MITF: variants seen among roughly 807,000 people sequenced by gnomAD.
The protein encoded by MITF is microphthalmia-associated transcription factor.
MITF carries 17 observed loss-of-function variants against 60.5 expected under a neutral mutation model. The ratio of observed to expected loss-of-function variants is 0.28; its 90% CI spans 0.19 to 0.42. The LOEUF (loss-of-function observed/expected upper bound fraction) is 0.42. Ranked by LOEUF, MITF falls within the 10% of genes least tolerant of loss-of-function variation. The probability of loss-of-function intolerance (pLI) is 1.00; values close to 1 mark genes in which losing one functional copy is unlikely to be tolerated. For missense variants in MITF, 622 were observed against 683.5 expected (o/e 0.91, Z 1.00); for synonymous variants, 260 against 248.5 (o/e 1.05, Z -0.43).
chr3:69,796,494 CTTTTTTTTTTTT>C lies in MITF; in HGVS notation c.104+56805_104+56816del, dbSNP rs767834091. On this transcript the variant is annotated intron_variant, in intron 1 of 9. Coordinates refer to ENST00000352241, the MANE Select transcript of MITF (RefSeq NM_001354604.2). ...TGTGAAGCTTACAAACACCGTCTTT[CTTTTTTTTTTTT>C]TTTTTTTTTTTGAGACGGAGTCTCG... Among the ~76,000 whole-genome samples the C allele has an allele frequency of 4.9e-4, 39 of 80,310 alleles. 1 individual carries two copies. The East Asian group carries it at 8.4e-3, about 17-fold the overall frequency. 52.7% of individuals were successfully genotyped at this position (80,310 alleles called of 152,430 possible).
intron 1 of MITF, among the ~76,000 whole-genome samples, chr3:69,744,848 TA>T (rs1703662580): frequency 6.6e-6 from 1 of 152,318 alleles, no homozygotes; most frequent in East Asian, 1.9e-4. Context: ...TTATGCTAGT[TA>T]AAAAAACTAA....
chr3:69,918,326 G>A (rs553666937), intron 2 of MITF, among the ~76,000 whole-genome samples: 1 of 152,278 alleles, frequency 6.6e-6, no homozygotes, highest in African/African-American at 2.4e-5. Flanking sequence ...AGGATTACAG[G>A]TGTGAGTCAC....
rs1451003898 is a variant in MITF at position 69,852,020 on chromosome 3, G to T, written c.105-27114G>T. Among the ~76,000 whole-genome samples the T allele has an allele frequency of 2.0e-5, 3 of 151,898 alleles. No individual in the cohort carries two copies. In the East Asian group the frequency reaches 5.8e-4, roughly 29 times the overall value. On this transcript the variant is annotated intron_variant, in intron 1 of 9. Coordinates refer to ENST00000352241, the MANE Select transcript of MITF (RefSeq NM_001354604.2). ...CTCAGTAATGTAACCATCTCTTTCG[G>T]CAAACATATACAAACAATTTTAGGG... is the stretch of plus-strand genomic sequence containing the variant.
At chr3:69,781,632 C>T (rs921961182) in intron 1 of MITF, among the ~76,000 whole-genome samples, 35 of 152,138 alleles carry the variant, frequency 2.3e-4, no homozygotes, top group Non-Finnish European at 1.6e-4. Flanking sequence ...TAACTCTGAT[C>T]AAATTCTCAT....
At chr3:69,938,193 G>A (rs766262126) in intron 3 of MITF, 144 bp downstream of exon 3, 139 of 1,157,726 alleles carry the variant, frequency 1.2e-4, no homozygotes, top group Non-Finnish European at 1.6e-4. Context: ...CATCGTGGCT[G>A]TGGCATTCCA....
chr3:69,794,007 G>A (rs2062787618), intron 1 of MITF, among the ~76,000 whole-genome samples: 1 of 152,092 alleles, frequency 6.6e-6, no homozygotes, highest in Non-Finnish European at 1.5e-5. Context: ...AGCAGTTCAC[G>A]AGGCACCCAT....
At chr3:69,794,564 C>T (rs1002910810) in intron 1 of MITF, among the ~76,000 whole-genome samples, 9 of 152,044 alleles carry the variant, frequency 5.9e-5, no homozygotes, top group East Asian at 1.9e-4. Flanking sequence ...GCATTTTAAT[C>T]GTGGTAGCTT....
intron 1 of MITF, among the ~76,000 whole-genome samples, chr3:69,832,067 A>G (rs9824528): frequency 0.5 from 76,089 of 152,090 alleles, 20,755 homozygotes; most frequent in Non-Finnish European, 0.63. Context: ...TACTACTGCT[A>G]CATAACAAAT....
At chr3:69,805,453 G>A (rs2062989353) in intron 1 of MITF, among the ~76,000 whole-genome samples, 1 of 119,870 alleles carries the variant, frequency 8.3e-6, no homozygotes, top group African/African-American at 2.6e-5. Flanking sequence ...ACAGCTACCT[G>A]CTGGTTTCTT....
intron 1 of MITF, among the ~76,000 whole-genome samples, chr3:69,740,867 G>C (rs1374983720): frequency 5.9e-5 from 9 of 152,174 alleles, no homozygotes; most frequent in African/African-American, 1.7e-4. Context: ...CTTGAAATGA[G>C]GGTGAGTGGA....
intron 1 of MITF, among the ~76,000 whole-genome samples, chr3:69,846,459 G>A (rs1333231395): frequency 6.6e-6 from 1 of 152,202 alleles, no homozygotes; most frequent in East Asian, 1.9e-4. Context: ...TTGGCTCTTG[G>A]TAAGCATTTG....
At chr3:69,824,143 T>C (rs2063319620) in intron 1 of MITF, among the ~76,000 whole-genome samples, 1 of 152,186 alleles carries the variant, frequency 6.6e-6, no homozygotes, top group Non-Finnish European at 1.5e-5. Flanking sequence ...AAAAGTGATT[T>C]GGTGTGAACT....
Position 69,778,342 on chromosome 3 carries a change from C to T in MITF, c.104+38641C>T, listed in dbSNP as rs561314625. Among the ~76,000 whole-genome samples the T allele has an allele frequency of 3.9e-5, 6 of 152,170 alleles. No homozygotes were observed. The South Asian group carries it at 8.3e-4, about 21-fold the overall frequency. The stretch of plus-strand genomic sequence containing the variant: ...GTATAGTCATTTGACTGTTTTAGAA[C>T]GAGTCTGGTTCTTGGGGTAGAACCT... On this transcript the variant is annotated intron_variant, in intron 1 of 9. Transcript: ENST00000352241.
chr3:69,938,015 C>T lies in MITF; in HGVS notation c.548C>T (p.Ala183Val). 1 of 1,614,196 alleles carries T rather than the reference C, an allele frequency of 6.2e-7. No individual in the cohort carries two copies. The highest frequency in any genetic ancestry group is 8.5e-7 in the Non-Finnish European group (1 of 1,180,014). Residue 183 changes from alanine to valine, a missense_variant, in exon 3 of 10, where the codon GCT becomes GTT. Transcript: ENST00000352241. ...AGCAGCGCACCCAACAGCCCCATGG[C>T]TATGCTTACGCTTAACTCCAACTGT... Reference protein sequence around the residue: ...PGSSAPNSPMAMLTLNSNCEK... With the variant: ...PGSSAPNSPMVMLTLNSNCEK...
intron 2 of MITF, among the ~76,000 whole-genome samples, chr3:69,924,593 A>T (rs965482114): frequency 5.3e-5 from 8 of 152,230 alleles, no homozygotes; most frequent in African/African-American, 1.4e-4. Flanking sequence ...CAGCTTCGAG[A>T]GTTATTGACT....
chr3:69,930,901 C>G (rs1455999712), intron 2 of MITF, among the ~76,000 whole-genome samples: 1 of 152,226 alleles, frequency 6.6e-6, no homozygotes, highest in East Asian at 1.9e-4. Flanking sequence ...TGAGTATACT[C>G]TCTCAGATGG....
intron 1 of MITF, among the ~76,000 whole-genome samples, chr3:69,777,767 G>GT (rs1320037874): frequency 4.6e-5 from 7 of 152,158 alleles, no homozygotes; most frequent in African/African-American, 1.7e-4. Flanking sequence ...TCTGATAACA[G>GT]TATGCCATGG....
At chr3:69,846,432 A>G (rs1237976190) in intron 1 of MITF, among the ~76,000 whole-genome samples, 2 of 152,206 alleles carry the variant, frequency 1.3e-5, no homozygotes, top group Admixed American at 6.5e-5. Context: ...GTTTCTACCC[A>G]GTGCCAAGTC....
chr3:69,781,867 C>T (rs2062570702), intron 1 of MITF, among the ~76,000 whole-genome samples: 1 of 152,220 alleles, frequency 6.6e-6, no homozygotes, highest in Non-Finnish European at 1.5e-5. Flanking sequence ...GAAGGCTTGG[C>T]ATGCTTTTTT....
Sources: gnomAD v4.1 joint callset for allele counts (sites outside exome capture counted in the v4.1 genomes callset) on GRCh38, gnomAD v4.1.1 for gene constraint, MANE v1.5 for transcripts, NCBI Gene and HGNC (gene_info 2026-07-23, HGNC 2026-07-21) for gene names.